TFB1M: variants seen among roughly 807,000 people sequenced by gnomAD.
TFB1M encodes transcription factor B1, mitochondrial.
TFB1M carries 27 observed loss-of-function variants against 31.1 expected under a neutral mutation model. The observed-to-expected ratio is 0.87, with a 90% CI of 0.64 to 1.20. The LOEUF is 1.20. TFB1M is among the 50% of genes most tolerant of loss of function. TFB1M has a pLI of 0.00. For missense variants in TFB1M, 394 were observed against 418.7 expected (o/e 0.94, Z 0.51); for synonymous variants, 166 against 151.8 (o/e 1.09, Z -0.69).
At chr6:155,312,271 A>G (rs1778048324) in intron 1 of TFB1M, among the ~76,000 whole-genome samples, 1 of 152,212 alleles carries the variant, frequency 6.6e-6, no homozygotes, top group Non-Finnish European at 1.5e-5. Flanking sequence ...AAAATGGTTT[A>G]GTCTTTTAAC....
At chr6:155,311,129 T>C (rs1201464239) in intron 2 of TFB1M, 59 bp downstream of exon 2, 13 of 1,585,284 alleles carry the variant, frequency 8.2e-6, no homozygotes, top group Admixed American at 1.7e-5. Flanking sequence ...TTAAGCATCA[T>C]GGCATAAAGA....
At chr6:155,298,367 A>AT (rs1777273252) in intron 3 of TFB1M, 110 bp downstream of exon 3, 1 of 677,888 alleles carries the variant, frequency 1.5e-6, no homozygotes, top group African/African-American at 1.8e-5. Flanking sequence ...TGTTCAGATA[A>AT]TTTAAAATAT....
downstream of TFB1M, chr6:155,254,152 G>T (rs1162214164): frequency 5.9e-6 from 8 of 1,363,252 alleles, no homozygotes; most frequent in Admixed American, 1.5e-4. Flanking sequence ...CCTGAATTTT[G>T]ATGATATCAG....
intron 2 of TFB1M, among the ~76,000 whole-genome samples, chr6:155,310,042 T>TA (rs909776890): frequency 3.9e-5 from 6 of 152,092 alleles, no homozygotes; most frequent in African/African-American, 1.2e-4. Context: ...CTAGGTTTCT[T>TA]AAAAAAATCA....
chr6:155,256,019 A>AAGGG (rs147053141), downstream of TFB1M: 49 of 146,486 alleles, frequency 3.3e-4, no homozygotes, highest in East Asian at 6.5e-3. Flanking sequence ...TTAAAAAAAA[A>AAGGG]GGGGGGGGGA....
intron 4 of TFB1M, among the ~76,000 whole-genome samples, chr6:155,290,129 G>A (rs1310745655): frequency 1.3e-5 from 2 of 152,216 alleles, no homozygotes; most frequent in Non-Finnish European, 2.9e-5. Context: ...GCTCACGCCT[G>A]TAATCCCAGC....
At position 155,305,132 on chromosome 6, in the gene TFB1M, TTA is replaced by T. The variant is rs1193437527; in HGVS notation, c.285+6054_285+6055del. Among the ~76,000 whole-genome samples, 60 of 109,886 alleles carry T rather than the reference TTA, an allele frequency of 5.5e-4. 3 individuals carry two copies. The highest frequency in any genetic ancestry group is 8.5e-4 in the Non-Finnish European group (50 of 59,084). 72.1% of individuals were successfully genotyped at this position (109,886 alleles called of 152,430 possible). On this transcript the variant is annotated intron_variant, in intron 2 of 6. Transcript: ENST00000367166. ...ATTATATATTTATATATATACATAA[TTA>T]TATATTTATATATATAAATATATAT...
At chr6:155,263,029 T>A (rs1313483119) in intron 5 of TFB1M, among the ~76,000 whole-genome samples, 1 of 152,174 alleles carries the variant, frequency 6.6e-6, no homozygotes, top group Admixed American at 6.5e-5. Flanking sequence ...GGAGATTCTG[T>A]AAAACTCAGC....
the TFB1M span, chr6:155,244,216 G>C: frequency 2.4e-6 from 2 of 826,652 alleles, no homozygotes; most frequent in East Asian, 5.1e-5. Flanking sequence ...GAGAGTCCCA[G>C]GCATAGCCTC....
At chr6:155,232,783 G>C in the TFB1M span, 2 of 152,180 alleles carry the variant, frequency 1.3e-5, no homozygotes, top group African/African-American at 2.4e-5. Context: ...ACCGAACAGC[G>C]TGGCAGTCTC....
At chr6:155,255,118 C>A (rs1032809419), downstream of TFB1M, 44 of 153,368 alleles carry the variant, frequency 2.9e-4, 1 homozygote, top group Non-Finnish European at 1.5e-5. Context: ...ATAAAACAGG[C>A]CTTGTGTTCT....
chr6:155,249,373 G>A, the TFB1M span, among the ~76,000 whole-genome samples: 3 of 152,184 alleles, frequency 2.0e-5, no homozygotes, highest in Non-Finnish European at 2.9e-5. Flanking sequence ...AGCCAAACTC[G>A]AGAGCTGGTG....
At chr6:155,250,626 T>C in the TFB1M span, 3 of 1,535,918 alleles carry the variant, frequency 2.0e-6, no homozygotes, top group South Asian at 1.2e-5. Flanking sequence ...CGGACACTGG[T>C]AGAGTTCATC....
At chr6:155,263,389 C>T (rs1050934337) in intron 5 of TFB1M, among the ~76,000 whole-genome samples, 88 of 152,252 alleles carry the variant, frequency 5.8e-4, no homozygotes, top group African/African-American at 2.1e-3. Context: ...CAAACTCAGT[C>T]CATCAGTATA....
intron 2 of TFB1M, among the ~76,000 whole-genome samples, chr6:155,307,782 G>A (rs978362571): frequency 4.6e-5 from 7 of 151,894 alleles, no homozygotes; most frequent in African/African-American, 1.2e-4. Flanking sequence ...ATACACTAAC[G>A]ATAGCAGATG....
downstream of TFB1M, chr6:155,255,417 C>T (rs773640058): frequency 6.6e-6 from 1 of 152,152 alleles, no homozygotes; most frequent in Non-Finnish European, 1.5e-5. Flanking sequence ...TTGTTATTAT[C>T]TTTCTTGTTT....
chr6:155,242,039 T>C, the TFB1M span, among the ~76,000 whole-genome samples: 325 of 152,378 alleles, frequency 2.1e-3, 2 homozygotes, highest in Non-Finnish European at 3.9e-3. Flanking sequence ...AGTGACAGGC[T>C]GGCAGAGTAC....
intron 6 of TFB1M, among the ~76,000 whole-genome samples, chr6:155,259,633 G>C (rs535641461): frequency 1.4e-4 from 22 of 152,344 alleles, no homozygotes; most frequent in African/African-American, 4.8e-4. Flanking sequence ...ATCGTAGATG[G>C]AAATCTTTTA....
In TFB1M at chr6:155,287,225, T is replaced by G. The variant is rs558561338; in HGVS notation, c.547-1948A>C. On this transcript the variant is annotated intron_variant, in intron 4 of 6. Transcript: ENST00000367166. ...CTGTACAAGCATTTGTAGCATAATT[T>G]GGCAATATACAGTAGAGCTGAAGCT... 1.3e-3 allele frequency among the ~76,000 whole-genome samples: 201 copies of G among 152,260 alleles called. 10 individuals are homozygous for G. In the South Asian group the frequency reaches 0.037, roughly 28 times the overall value.
Sources: gnomAD v4.1 joint callset for allele counts (sites outside exome capture counted in the v4.1 genomes callset) on GRCh38, gnomAD v4.1.1 for gene constraint, MANE v1.5 for transcripts, NCBI Gene and HGNC (gene_info 2026-07-23, HGNC 2026-07-21) for gene names.